The following KIAA0930 variants were observed in gnomAD, a reference collection of about 807,000 sequenced individuals.
KIAA0930 encodes uncharacterized protein KIAA0930.
A neutral mutation model predicts 43.9 loss-of-function variants in KIAA0930; 24 were observed. The ratio of observed to expected loss-of-function variants is 0.55; its 90% CI spans 0.40 to 0.77. The LOEUF is 0.77. Among genes scored for constraint, KIAA0930 ranks in the 30% least tolerant of loss-of-function variants. The pLI, the probability that KIAA0930 is intolerant of heterozygous loss-of-function variation, is 0.00. For missense variants in KIAA0930, 461 were observed against 574.2 expected (o/e 0.80, Z 2.02); for synonymous variants, 259 against 216.4 (o/e 1.20, Z -1.73).
At chr22:45,204,815 C>G (rs2083621406) in intron 5 of KIAA0930, among the ~76,000 whole-genome samples, 1 of 152,152 alleles carries the variant, frequency 6.6e-6, no homozygotes. Flanking sequence ...AACCCCATCC[C>G]TCTTTGACAT....
chr22:45,210,649 C>T (rs932651363), intron 2 of KIAA0930, among the ~76,000 whole-genome samples: 3 of 151,204 alleles, frequency 2.0e-5, no homozygotes, highest in East Asian at 2.0e-4. Context: ...ACAGGGCGGG[C>T]GTGGCAGCAG....
At chr22:45,205,543 G>A (rs2083628957) in intron 4 of KIAA0930, 87 bp downstream of exon 4, 2 of 1,315,608 alleles carry the variant, frequency 1.5e-6, no homozygotes, top group Non-Finnish European at 2.2e-6. Context: ...CCAGGGCAGA[G>A]AAGCAAGCAG....
At chr22:45,233,903 G>C (rs1386067982) in intron 1 of KIAA0930, among the ~76,000 whole-genome samples, 2 of 152,216 alleles carry the variant, frequency 1.3e-5, no homozygotes, top group Non-Finnish European at 2.9e-5. Context: ...ATGCAGGAGG[G>C]ATCAGAGGTC....
At chr22:45,232,611 C>A (rs533908745) in intron 1 of KIAA0930, among the ~76,000 whole-genome samples, 1 of 152,210 alleles carries the variant, frequency 6.6e-6, no homozygotes, top group African/African-American at 2.4e-5. Context: ...CCAGCTCCCC[C>A]AGGACGGGCT....
At chr22:45,230,289 T>C (rs1467135788) in intron 1 of KIAA0930, among the ~76,000 whole-genome samples, 1 of 152,076 alleles carries the variant, frequency 6.6e-6, no homozygotes, top group Non-Finnish European at 1.5e-5. Context: ...CCGAGACACA[T>C]ACAGGTGGGA....
At chr22:45,218,696 A>G (rs942287832) in intron 1 of KIAA0930, among the ~76,000 whole-genome samples, 1 of 152,102 alleles carries the variant, frequency 6.6e-6, no homozygotes, top group Admixed American at 6.5e-5. Context: ...ATAAGCCCAC[A>G]TCCTTATCCT....
In KIAA0930 at chr22:45,197,047, TG is replaced by T; in HGVS notation, c.*128del. 1.3e-6 allele frequency: 1 copy of T among 755,922 alleles called. No individual in the cohort carries two copies. Among genetic ancestry groups the T allele is most frequent in the Non-Finnish European group, 2.0e-6 (1 of 488,852 alleles). The allele number at this position is 755,922 out of a possible 1,614,324, so 46.8% of individuals were successfully genotyped here. A position where few individuals can be genotyped will look rare whatever the true frequency, so the allele number is the denominator to read the frequency against. ...GTCGGCCCCGGCCCCGGGAGTCGAG[TG>T]GCCTCGCCTGGCTGCGGCTCCAGCA... is the stretch of plus-strand genomic sequence containing the variant. On this transcript the variant is annotated 3_prime_UTR_variant, in exon 10 of 10. Coordinates refer to ENST00000336156, the MANE Select transcript of KIAA0930 (RefSeq NM_001009880.2).
intron 1 of KIAA0930, among the ~76,000 whole-genome samples, chr22:45,230,098 G>A (rs889545978): frequency 1.3e-5 from 2 of 152,198 alleles, no homozygotes; most frequent in Admixed American, 6.5e-5. Flanking sequence ...ACAGCCACAT[G>A]GGGACATATG....
intron 7 of KIAA0930, among the ~76,000 whole-genome samples, chr22:45,200,786 CAG>C (rs1225671242): frequency 6.6e-6 from 1 of 152,186 alleles, no homozygotes; most frequent in Non-Finnish European, 1.5e-5. Context: ...GTGACAGACT[CAG>C]AGAGTGACAA....
intron 6 of KIAA0930, among the ~76,000 whole-genome samples, chr22:45,203,433 A>T (rs2083607715): frequency 6.6e-6 from 1 of 152,112 alleles, no homozygotes; most frequent in South Asian, 2.1e-4. Context: ...GCTGGCAGCA[A>T]GGCTGGCTGC....
intron 1 of KIAA0930, among the ~76,000 whole-genome samples, chr22:45,227,542 TG>T (rs2083809860): frequency 6.6e-6 from 1 of 152,202 alleles, no homozygotes; most frequent in Non-Finnish European, 1.5e-5. Flanking sequence ...CCTGCTGCTA[TG>T]GGACCCTGCA....
chr22:45,204,583 C>T (rs913441460), intron 5 of KIAA0930, among the ~76,000 whole-genome samples: 3 of 152,200 alleles, frequency 2.0e-5, no homozygotes, highest in African/African-American at 4.8e-5. Flanking sequence ...CAGACGCCCA[C>T]GCCTTCCTCC....
Position 45,196,384 on chromosome 22 carries a change from TG to T in KIAA0930, c.*791del, listed in dbSNP as rs1407076672. 3 of 152,732 alleles carry T rather than the reference TG, an allele frequency of 2.0e-5. No homozygotes were observed. The East Asian group carries it at 5.8e-4, about 29-fold the overall frequency. 9.5% of individuals were successfully genotyped at this position (152,732 alleles called of 1,614,324 possible). On this transcript the variant is annotated 3_prime_UTR_variant, in exon 10 of 10. Coordinates refer to ENST00000336156, the MANE Select transcript of KIAA0930 (RefSeq NM_001009880.2). The surrounding 1 kb of genome is among the most constrained non-coding windows in gnomAD (Gnocchi z 4.1). ...GCCCCACCCCACATCAGACACCCTT[TG>T]GCAGATATCCTGTTCTGCCTGGCTA...
chr22:45,202,908 CA>C, intron 7 of KIAA0930, 81 bp downstream of exon 7: 7 of 1,227,476 alleles, frequency 5.7e-6, no homozygotes, highest in Non-Finnish European at 7.9e-6. Flanking sequence ...CCTATGTCCC[CA>C]GGGGGCCGTG....
At chr22:45,199,780 AAATG>A (rs2083569901) in intron 8 of KIAA0930, 89 bp downstream of exon 8, 21 of 1,272,676 alleles carry the variant, frequency 1.7e-5, no homozygotes, top group Non-Finnish European at 1.7e-5. Flanking sequence ...CTGAATGAAC[AAATG>A]AATGAATGAA....
chr22:45,225,772 C>G (rs9615070), intron 1 of KIAA0930, among the ~76,000 whole-genome samples: 2 of 152,212 alleles, frequency 1.3e-5, no homozygotes, highest in African/African-American at 2.4e-5. Context: ...CAAGACATCC[C>G]GAGTGCTGCC....
intron 1 of KIAA0930, among the ~76,000 whole-genome samples, chr22:45,239,579 G>A (rs1440746817): frequency 2.0e-5 from 3 of 152,142 alleles, no homozygotes; most frequent in Non-Finnish European, 4.4e-5. Context: ...CAGCCTCCAG[G>A]GTGTGGCCTG....
At chr22:45,237,713 G>T (rs560217998) in intron 1 of KIAA0930, among the ~76,000 whole-genome samples, 2 of 152,336 alleles carry the variant, frequency 1.3e-5, no homozygotes, top group African/African-American at 4.8e-5. Context: ...GGCTGTCACA[G>T]AGGTGAAGTG....
chr22:45,238,069 C>T (rs984759040), intron 1 of KIAA0930, among the ~76,000 whole-genome samples: 1 of 151,892 alleles, frequency 6.6e-6, no homozygotes, highest in Non-Finnish European at 1.5e-5. Flanking sequence ...TATAGGCGCC[C>T]GCCACCACGC....
Sources: allele counts gnomAD v4.1 joint callset (sites outside exome capture counted in the v4.1 genomes callset), GRCh38; gene constraint gnomAD v4.1.1; non-coding constraint Gnocchi (gnomAD v3.1); transcripts MANE v1.5; gene names NCBI Gene and HGNC (gene_info 2026-07-23, HGNC 2026-07-21).